The following DNAH10 variants were observed in gnomAD, a reference collection of about 807,000 sequenced individuals.
The protein encoded by DNAH10 is dynein axonemal heavy chain 10.
DNAH10 carries 348 observed loss-of-function variants against 506.6 expected under a neutral mutation model. The ratio of observed to expected loss-of-function variants is 0.69; its 90% CI spans 0.63 to 0.75. The LOEUF is 0.75. DNAH10 is among the 30% of genes least tolerant of loss of function. The pLI is 0.00. For missense variants in DNAH10, 5,179 were observed against 5,787.1 expected (o/e 0.89, Z 3.41); for synonymous variants, 2,059 against 2,198.6 (o/e 0.94, Z 1.78).
chr12:123,917,885 G>A lies in DNAH10; in HGVS notation c.11232+72G>A, dbSNP rs2137539076. ...GCGCCGTTGGAGCGTCCATTTCTCT[G>A]TCTGCTCAATGAGAAAATGGGGCTC... is the stretch of plus-strand genomic sequence containing the variant. On this transcript the variant is annotated intron_variant, in intron 64 of 78. Transcript: ENST00000673944. The surrounding 1 kb of genome is among the most constrained non-coding windows in gnomAD (Gnocchi z 5.6). 1 of 1,468,070 alleles carries A rather than the reference G, an allele frequency of 6.8e-7. No homozygotes were observed. Among genetic ancestry groups the A allele is most frequent in the East Asian group, 2.5e-5 (1 of 40,266 alleles). The allele number at this position is 1,468,070 out of a possible 1,614,324, so 90.9% of individuals were successfully genotyped here.
intron 26 of DNAH10, 124 bp downstream of exon 26, chr12:123,830,823 C>A (rs933078548): frequency 2.0e-6 from 2 of 1,016,164 alleles, no homozygotes; most frequent in African/African-American, 1.7e-5. Flanking sequence ...TATGCCATTA[C>A]TCCCAGCTTC....
chr12:123,921,788 A>G (rs1200176220), intron 65 of DNAH10, among the ~76,000 whole-genome samples: 2 of 131,722 alleles, frequency 1.5e-5, no homozygotes, highest in Non-Finnish European at 3.1e-5. Context: ...ATCTTAGCTC[A>G]CTGCAACCTT....
In DNAH10 at chr12:123,796,750, G is replaced by A. The variant is rs1172335998; in HGVS notation, c.2081G>A (p.Arg694Gln). The change falls in exon 13 of 79, where the codon CGA becomes CAA. Residue 694 changes from arginine to glutamine, a missense_variant. Coordinates refer to ENST00000673944, the MANE Select transcript of DNAH10 (RefSeq NM_001372106.1). The part of the protein sequence containing the change: ...PPVAGAIYWE[R>Q]SLFFRIKHTI... ...GTAGCAGGTGCAATATACTGGGAAC[G>A]ATCTCTGTTCTTTCGGATTAAGCAT... 4 of 1,614,070 alleles carry A rather than the reference G, an allele frequency of 2.5e-6. No homozygotes were observed. The highest frequency in any genetic ancestry group is 1.3e-5 in the African/African-American group (1 of 75,004).
chr12:123,781,042 G>T (rs748547598), intron 5 of DNAH10, 38 bp from the exon 6 acceptor site: 5 of 1,467,210 alleles, frequency 3.4e-6, no homozygotes, highest in South Asian at 2.6e-5. Flanking sequence ...TATTGAAAAT[G>T]ACTTCATATG....
intron 78 of DNAH10, 128 bp from the exon 79 acceptor site, chr12:123,935,207 C>A (rs903850212): frequency 8.7e-6 from 10 of 1,147,842 alleles, no homozygotes; most frequent in Non-Finnish European, 1.2e-5. Flanking sequence ...GCAGCCCCAG[C>A]CTTGTGCGTG....
chr12:123,762,560 G>T lies in DNAH10; in HGVS notation c.214+10G>T. ...GTGGAGGTGGAGATTGGTGAGCCTC[G>T]ACGCGCCGCTCCCTTCCCCGGGCTT... On this transcript the variant is annotated intron_variant, in intron 1 of 78. Transcript: ENST00000673944. The surrounding 1 kb of genome is among the most constrained non-coding windows in gnomAD (Gnocchi z 5.0). 6.5e-7 allele frequency: 1 copy of T among 1,546,720 alleles called. No individual in the cohort carries two copies. Among genetic ancestry groups the T allele is most frequent in the Non-Finnish European group, 8.7e-7 (1 of 1,147,140 alleles).
At chr12:123,790,184 T>A (rs1958026775) in intron 11 of DNAH10, 63 bp downstream of exon 11, 3 of 1,535,510 alleles carry the variant, frequency 2.0e-6, no homozygotes, top group Admixed American at 1.8e-5. Context: ...TGTGTTAAAT[T>A]TGTTGGGTTA....
rs1954497151 is a variant in DNAH10, at chr12:123,916,744, T to C, written c.11002+8T>C. The C allele has an allele frequency of 6.3e-7, 1 of 1,599,578 alleles. No individual in the cohort carries two copies. Among genetic ancestry groups the C allele is most frequent in the African/African-American group, 1.3e-5 (1 of 74,492 alleles). On this transcript the variant is annotated splice_region_variant and intron_variant, in intron 63 of 78. Coordinates refer to ENST00000673944, the MANE Select transcript of DNAH10 (RefSeq NM_001372106.1). The surrounding 1 kb of genome is among the most constrained non-coding windows in gnomAD (Gnocchi z 4.6). ...TGGTGATCAATTACACTGGTAAGAA[T>C]GTGTAGAACCTCCACTGCTAATTCA...
intron 56 of DNAH10, among the ~76,000 whole-genome samples, chr12:123,900,407 G>A (rs1303203704): frequency 2.0e-5 from 3 of 152,174 alleles, no homozygotes; most frequent in Admixed American, 6.5e-5. Context: ...GCTAGAAACC[G>A]AATGAGACTC....
chr12:123,929,318 C>T lies in DNAH10; in HGVS notation c.12350C>T (p.Ala4117Val), dbSNP rs778585958. 1.9e-6 allele frequency: 3 copies of T among 1,605,474 alleles called. No homozygotes were observed. The highest frequency in any genetic ancestry group is 2.2e-5 in the South Asian group (2 of 89,086). ...PPNGLKLNMR[A>V]TYFKISHEML... Reference sequence around the variant, plus strand: ...AATGGGCTGAAACTCAACATGAGGGCAACTTACTTCAAGATCTCTCACGAA... The same window carrying T: ...AATGGGCTGAAACTCAACATGAGGGTAACTTACTTCAAGATCTCTCACGAA... The change falls in exon 71 of 79, where the codon GCA becomes GTA. Residue 4117 changes from alanine (A) to valine (V), a missense_variant. Coordinates refer to ENST00000673944, the MANE Select transcript of DNAH10 (RefSeq NM_001372106.1).
intron 18 of DNAH10, among the ~76,000 whole-genome samples, chr12:123,806,717 G>C (rs1958686505): frequency 6.6e-6 from 1 of 150,594 alleles, no homozygotes; most frequent in Non-Finnish European, 1.5e-5. Context: ...TCCTAAAGCA[G>C]TCCCTTACAT....
chr12:123,889,897 T>G (rs1952901411), intron 52 of DNAH10, among the ~76,000 whole-genome samples: 1 of 152,190 alleles, frequency 6.6e-6, no homozygotes, highest in Non-Finnish European at 1.5e-5. Flanking sequence ...TTCTTGGCTC[T>G]TTAGCTCGCT....
chr12:123,923,875 A>C lies in DNAH10; in HGVS notation c.11611+8A>C. On this transcript the variant is annotated splice_region_variant and intron_variant, in intron 66 of 78. Coordinates refer to ENST00000673944, the MANE Select transcript of DNAH10 (RefSeq NM_001372106.1). ...TAGATTTCTTTTTAAAAGGTAATGA[A>C]TTTGCCTAGCTTCATTCCTCCCATC... 6.3e-7 allele frequency: 1 copy of C among 1,592,932 alleles called. No individual in the cohort carries two copies. Among genetic ancestry groups the C allele is most frequent in the Non-Finnish European group, 8.6e-7 (1 of 1,165,806 alleles).
Position 123,762,520 on chromosome 12 carries a change from A to G in DNAH10, c.184A>G (p.Met62Val), listed in dbSNP as rs771343451. The G allele has an allele frequency of 7.7e-6, 12 of 1,555,906 alleles. No homozygotes were observed. The highest frequency in any genetic ancestry group is 2.8e-5 in the African/African-American group (2 of 72,690). ...GPSALFIYRT[M>V]VPEEVEVEID... Reference sequence around the variant, plus strand: ...CTCGGCGCTCTTCATCTACCGCACTATGGTGCCGGAGGAGGTGGAGGTGGA... The same window carrying G: ...CTCGGCGCTCTTCATCTACCGCACTGTGGTGCCGGAGGAGGTGGAGGTGGA... Residue 62 changes from methionine (M) to valine (V), a missense_variant, in exon 1 of 79, where the codon ATG (methionine) becomes GTG (valine). By Grantham distance (21) the Met-to-Val change is conservative. Coordinates refer to ENST00000673944, the MANE Select transcript of DNAH10 (RefSeq NM_001372106.1). This position sits in a 1 kb window ranked among gnomAD's most constrained non-coding sequence, Gnocchi z 5.0.
At chr12:123,792,451 C>CTT (rs78654407) in intron 11 of DNAH10, among the ~76,000 whole-genome samples, 642 of 133,250 alleles carry the variant, frequency 4.8e-3, no homozygotes, top group Non-Finnish European at 6.6e-3. Context: ...TTCCTTTGTC[C>CTT]TTTTTTTTTT....
Position 123,902,588 on chromosome 12 carries a change from G to A in DNAH10, c.9641-351G>A, listed in dbSNP as rs1953572900. On this transcript the variant is annotated intron_variant, in intron 56 of 78. Coordinates refer to ENST00000673944, the MANE Select transcript of DNAH10 (RefSeq NM_001372106.1). This position sits in a 1 kb window ranked among gnomAD's most constrained non-coding sequence, Gnocchi z 4.5. Reference sequence around the variant, plus strand: ...CGATGAGAGGCAGAAGGAGGAGATCGCAGGGAGCCGGTAAGCAGGAGGGGG... The same window carrying A: ...CGATGAGAGGCAGAAGGAGGAGATCACAGGGAGCCGGTAAGCAGGAGGGGG... 1.3e-5 allele frequency among the ~76,000 whole-genome samples: 2 copies of A among 152,164 alleles called. No individual in the cohort carries two copies. The highest frequency in any genetic ancestry group is 1.3e-4 in the Admixed American group (2 of 15,284).
chr12:123,861,113 G>A lies in DNAH10; in HGVS notation c.6851G>A (p.Gly2284Glu). 6.2e-7 allele frequency: 1 copy of A among 1,613,974 alleles called. No individual in the cohort carries two copies. Reference protein sequence around the residue: ...LDPTTRDWTDGVLSNIFREIN... With the variant: ...LDPTTRDWTDEVLSNIFREIN... ...CCAACCACCCGAGACTGGACAGATG[G>A]GGTGTTGTCAAACATCTTCAGGGAA... is the stretch of plus-strand genomic sequence containing the variant. Residue 2284 changes from glycine (G) to glutamate (E), a missense_variant, in exon 39 of 79, where the codon GGG becomes GAG. Physicochemically the swap from Gly to Glu is moderately conservative, Grantham distance 98. Coordinates refer to ENST00000673944, the MANE Select transcript of DNAH10 (RefSeq NM_001372106.1).
chr12:123,791,142 A>G (rs1958064331), intron 11 of DNAH10, among the ~76,000 whole-genome samples: 3 of 152,006 alleles, frequency 2.0e-5, no homozygotes, highest in Non-Finnish European at 4.4e-5. Context: ...AAAAAAACCC[A>G]AAAAACAAAA....
rs1953374457 is a variant in DNAH10, at chr12:123,898,743, AGATCGTGCT to A, written c.9571_9579del (p.Ile3191_Leu3193del). 1 of 1,611,532 alleles carries A rather than the reference AGATCGTGCT, an allele frequency of 6.2e-7. No individual in the cohort carries two copies. Among genetic ancestry groups the A allele is most frequent in the Admixed American group, 1.7e-5 (1 of 59,740 alleles). Reference sequence around the variant, plus strand: ...CTGAACCAGAAGCTGGCCGAGCAGAAGATCGTGCTGGCGGAGAAGTCCGCCGCCTGCGAG... The same window carrying A: ...CTGAACCAGAAGCTGGCCGAGCAGAAGGCGGAGAAGTCCGCCGCCTGCGAG... On this transcript the variant is annotated inframe_deletion, in exon 56 of 79. Transcript: ENST00000673944.
Sources: allele counts gnomAD v4.1 joint callset (sites outside exome capture counted in the v4.1 genomes callset), GRCh38; gene constraint gnomAD v4.1.1; non-coding constraint Gnocchi (gnomAD v3.1); transcripts MANE v1.5; gene names NCBI Gene and HGNC (gene_info 2026-07-23, HGNC 2026-07-21).